The following ADGRL2 variants were observed in gnomAD, a reference collection of about 807,000 sequenced individuals.
ADGRL2 encodes adhesion G protein-coupled receptor L2.
Under a neutral mutation model 157.4 loss-of-function variants are expected in ADGRL2, and 44 were observed. That is an observed-to-expected ratio of 0.28 (90% CI 0.22 to 0.36). The LOEUF is 0.36. ADGRL2 is among the 10% of genes least tolerant of loss of function. The pLI is 1.00. For synonymous variants in ADGRL2, 585 were observed against 624.7 expected, an observed-to-expected ratio of 0.94 and a Z score of 0.95; for missense variants, 1,510 against 1,768.9, an observed-to-expected ratio of 0.85 and a Z score of 2.63.
chr1:81,727,067 A>G (rs147384093), intron 1 of ADGRL2, among the ~76,000 whole-genome samples: 22 of 152,320 alleles, frequency 1.4e-4, no homozygotes, highest in African/African-American at 5.3e-4. Context: ...CAATTGCACT[A>G]CAATGTTCTC....
intron 1 of ADGRL2, among the ~76,000 whole-genome samples, chr1:81,812,752 A>G (rs2089999008): frequency 6.6e-6 from 1 of 151,812 alleles, no homozygotes; most frequent in South Asian, 2.1e-4. Flanking sequence ...GCTTTTCTAA[A>G]CAGAAAAACG....
intron 1 of ADGRL2, among the ~76,000 whole-genome samples, chr1:81,757,496 G>C (rs1004284068): frequency 6.6e-6 from 1 of 152,152 alleles, no homozygotes; most frequent in African/African-American, 2.4e-5. Flanking sequence ...AGACTGCTAA[G>C]TGTTCAAACT....
rs532485238 is a variant in ADGRL2 at position 81,459,537 on chromosome 1, T to C, written c.-248+14448T>C. 2.6e-5 allele frequency among the ~76,000 whole-genome samples: 4 copies of C among 152,324 alleles called. No homozygotes were observed. In the South Asian group the frequency reaches 8.3e-4, roughly 32 times the overall value. On this transcript the variant is annotated intron_variant, in intron 2 of 24. Transcript: ENST00000370721. The stretch of plus-strand genomic sequence containing the variant: ...TTTAAGGTGCAATAATATTTCATTG[T>C]ATGTGCATACCACATTTTCTTTATC...
intron 19 of ADGRL2, among the ~76,000 whole-genome samples, chr1:81,982,973 C>A (rs148288677): frequency 6.6e-6 from 1 of 152,026 alleles, no homozygotes; most frequent in Admixed American, 6.6e-5. Context: ...TATTTAATAA[C>A]AATGAACTTT....
At chr1:81,811,356 T>C (rs2089846723) in intron 1 of ADGRL2, among the ~76,000 whole-genome samples, 1 of 151,854 alleles carries the variant, frequency 6.6e-6, no homozygotes, top group South Asian at 2.1e-4. Flanking sequence ...TCAAACTGGC[T>C]TTGCCTCAGA....
At chr1:81,960,094 C>T (rs1654856327) in intron 11 of ADGRL2, among the ~76,000 whole-genome samples, 1 of 152,136 alleles carries the variant, frequency 6.6e-6, no homozygotes. Context: ...ACCACCATTC[C>T]TGGCCAAGTA....
rs145943913 is a variant in ADGRL2 at position 81,481,388 on chromosome 1, A to G, written c.-248+36299A>G. On this transcript the variant is annotated intron_variant, in intron 2 of 24. Transcript: ENST00000370721. ...AGAAAGAAATTAGAAGGATGCAATA[A>G]TCAACATTCTGTTTAGGACTGTAGT... 3.8e-4 allele frequency among the ~76,000 whole-genome samples: 58 copies of G among 152,340 alleles called. No individual in the cohort carries two copies. In the East Asian group the frequency reaches 0.011, roughly 28 times the overall value.
chr1:81,789,438 A>G (rs1351560004), intron 2 of ADGRL2, among the ~76,000 whole-genome samples: 1 of 152,148 alleles, frequency 6.6e-6, no homozygotes, highest in Non-Finnish European at 1.5e-5. Context: ...TTTTAAAAGC[A>G]GGAATGTTGC....
chr1:81,358,519 A>C (rs531960090), intron 1 of ADGRL2, among the ~76,000 whole-genome samples: 21 of 152,046 alleles, frequency 1.4e-4, no homozygotes, highest in Admixed American at 6.6e-4. Context: ...TGCAGTAGAG[A>C]CCCCAATTTT....
chr1:81,634,129 C>A (rs1229019774), intron 3 of ADGRL2, among the ~76,000 whole-genome samples: 1 of 152,106 alleles, frequency 6.6e-6, no homozygotes, highest in African/African-American at 2.4e-5. Flanking sequence ...ATTCAGGAAG[C>A]CAAGGCAAGA....
At chr1:81,733,899 T>C (rs1034526036) in intron 1 of ADGRL2, among the ~76,000 whole-genome samples, 3 of 152,124 alleles carry the variant, frequency 2.0e-5, no homozygotes, top group Non-Finnish European at 4.4e-5. Flanking sequence ...GCTTAATACC[T>C]GGGTGATGAA....
chr1:81,795,686 C>T (rs900463489), upstream of ADGRL2, among the ~76,000 whole-genome samples: 2 of 152,208 alleles, frequency 1.3e-5, no homozygotes, highest in East Asian at 1.9e-4. Flanking sequence ...AAGTCATATT[C>T]GAGAGGCACT....
chr1:81,448,176 G>A (rs192531348), intron 2 of ADGRL2, among the ~76,000 whole-genome samples: 5 of 112,186 alleles, frequency 4.5e-5, no homozygotes, highest in East Asian at 2.9e-4. Flanking sequence ...ACAGAGTCTC[G>A]CTCTGTGGCC....
intron 1 of ADGRL2, among the ~76,000 whole-genome samples, chr1:81,336,161 C>T (rs574008388): frequency 1.1e-4 from 16 of 152,308 alleles, no homozygotes; most frequent in Admixed American, 2.6e-4. Context: ...ACTATGCCAG[C>T]CTGCCACTTC....
intron 3 of ADGRL2, among the ~76,000 whole-genome samples, chr1:81,590,898 T>C (rs2081119274): frequency 6.6e-6 from 1 of 152,008 alleles, no homozygotes; most frequent in African/African-American, 2.4e-5. Flanking sequence ...AACAACCCCA[T>C]ATGAGAAAAC....
chr1:81,709,660 A>G (rs1369663778), intron 1 of ADGRL2, among the ~76,000 whole-genome samples: 1 of 151,904 alleles, frequency 6.6e-6, no homozygotes, highest in Non-Finnish European at 1.5e-5. Context: ...TGATTTCCCT[A>G]CTCACTGTTT....
chr1:81,955,544 C>T (rs116762832), intron 10 of ADGRL2, among the ~76,000 whole-genome samples: 1,882 of 152,098 alleles, frequency 0.012, 45 homozygotes, highest in African/African-American at 0.044. Flanking sequence ...TTGACTCTAC[C>T]TGTAAGAGTA....
chr1:81,573,748 T>C (rs1320747591), intron 2 of ADGRL2, among the ~76,000 whole-genome samples: 10 of 152,156 alleles, frequency 6.6e-5, no homozygotes, highest in Admixed American at 6.6e-4. Flanking sequence ...ACTTTTGAGA[T>C]AGGATTTGAC....
At position 81,991,179 on chromosome 1, in the gene ADGRL2, G is replaced by A. The variant is rs1176940908; in HGVS notation, c.*34G>A. On this transcript the variant is annotated 3_prime_UTR_variant, in exon 24 of 24. Transcript: ENST00000686636. ...CTAAGGAATTCCAAGGGCCACATGC[G>A]AGTATTAATAAATAAAGACACCATT... 11 of 1,552,760 alleles carry A rather than the reference G, an allele frequency of 7.1e-6. No individual in the cohort carries two copies. The highest frequency in any genetic ancestry group is 2.3e-5 in the East Asian group (1 of 44,174).
Sources: allele counts gnomAD v4.1 joint callset (sites outside exome capture counted in the v4.1 genomes callset), GRCh38; gene constraint gnomAD v4.1.1; transcripts MANE v1.5; gene names NCBI Gene and HGNC (gene_info 2026-07-23, HGNC 2026-07-21).